CROCC2: variants seen among roughly 807,000 people sequenced by gnomAD.
CROCC2 encodes ciliary rootlet coiled-coil protein 2.
CROCC2 carries 163 observed loss-of-function variants against 177.6 expected under a neutral mutation model. That is an observed-to-expected ratio of 0.92 (90% CI 0.81 to 1.05). The LOEUF (loss-of-function observed/expected upper bound fraction) is 1.05, where lower values mean the gene tolerates loss of function less well. CROCC2 is among the 50% of genes least tolerant of loss of function. The probability of loss-of-function intolerance (pLI) is 0.00; values close to 1 mark genes in which losing one functional copy is unlikely to be tolerated. For missense variants in CROCC2, 1,929 were observed against 1,797.8 expected (o/e 1.07, Z -1.32); for synonymous variants, 904 against 787.3 (o/e 1.15, Z -2.48).
intron 1 of CROCC2, among the ~76,000 whole-genome samples, chr2:240,907,130 G>A (rs893319988): frequency 1.3e-5 from 2 of 152,212 alleles, no homozygotes; most frequent in Non-Finnish European, 2.9e-5. Context: ...ATGGCCAAGT[G>A]TGGGGCCAGC....
At chr2:240,938,535 G>A (rs751752175) in intron 14 of CROCC2, among the ~76,000 whole-genome samples, 9 of 152,194 alleles carry the variant, frequency 5.9e-5, no homozygotes, top group Non-Finnish European at 1.2e-4. Context: ...CGTTTTGGCT[G>A]TTCTAAATCC....
intron 1 of CROCC2, among the ~76,000 whole-genome samples, chr2:240,916,581 C>T (rs1451843155): frequency 6.6e-6 from 1 of 151,344 alleles, no homozygotes. Flanking sequence ...CCAGCTGGGC[C>T]GCGGCCTATT....
Position 240,922,529 on chromosome 2 carries a change from TCCTCC to T in CROCC2, c.382-7_382-3del. 1.4e-6 allele frequency: 1 copy of T among 693,740 alleles called. No individual in the cohort carries two copies. The highest frequency in any genetic ancestry group is 2.8e-5 in the East Asian group (1 of 35,856). The allele number at this position is 693,740 out of a possible 1,614,324, so 43.0% of individuals were successfully genotyped here. ...GCAGCCAGACCAGGTGGGCTATTGC[TCCTCC>T]CCAGCTGCAGGCCCGGCTGGAGACC... On this transcript the variant is annotated splice_polypyrimidine_tract_variant and splice_region_variant and intron_variant, in intron 3 of 31. Transcript: ENST00000690015.
At position 240,985,610 on chromosome 2, in the gene CROCC2, CCAGA is replaced by C. The variant is rs1209622891; in HGVS notation, c.4551+2584_4551+2587del. Reference sequence around the variant, plus strand: ...ACCCAGGCACTCACTCCACACACACCCAGACACTCACTCCACACACACCCAGGCA... The same window carrying C: ...ACCCAGGCACTCACTCCACACACACCCACTCACTCCACACACACCCAGGCA... On this transcript the variant is annotated intron_variant, in intron 28 of 31. Transcript: ENST00000690015. 2.3e-4 allele frequency among the ~76,000 whole-genome samples: 19 copies of C among 82,136 alleles called. 1 individual carries two copies. The highest frequency in any genetic ancestry group is 6.1e-4 in the African/African-American group (12 of 19,624). 53.9% of individuals were successfully genotyped at this position (82,136 alleles called of 152,430 possible).
intron 4 of CROCC2, among the ~76,000 whole-genome samples, chr2:240,922,886 G>T (rs1172461436): frequency 1.3e-5 from 2 of 152,106 alleles, no homozygotes; most frequent in Non-Finnish European, 2.9e-5. Flanking sequence ...GGCCTGCAGC[G>T]CGCTCCCTCT....
chr2:240,936,907 G>A (rs545258688), intron 14 of CROCC2, among the ~76,000 whole-genome samples: 49 of 152,342 alleles, frequency 3.2e-4, no homozygotes, highest in Admixed American at 1.3e-3. Context: ...GGGGCCTGCT[G>A]GGAGGCGACT....
chr2:240,948,863 C>A, intron 15 of CROCC2, 116 bp from the exon 16 acceptor site: 1 of 944,530 alleles, frequency 1.1e-6, no homozygotes, highest in Non-Finnish European at 1.6e-6. Context: ...CTAAAACATT[C>A]TTCCATTTAT....
chr2:240,942,868 T>A (rs568811872), intron 14 of CROCC2, among the ~76,000 whole-genome samples: 43 of 152,294 alleles, frequency 2.8e-4, no homozygotes, highest in Middle Eastern at 3.4e-3. Context: ...GTCTTTTTTT[T>A]ATTATCTTTA....
intron 4 of CROCC2, among the ~76,000 whole-genome samples, chr2:240,925,233 G>A (rs978946052): frequency 5.3e-5 from 8 of 152,200 alleles, no homozygotes; most frequent in Non-Finnish European, 8.8e-5. Context: ...GCCGGCTCCC[G>A]AGGTCCACCC....
chr2:240,914,334 C>T (rs991222951), intron 1 of CROCC2, among the ~76,000 whole-genome samples: 7 of 152,232 alleles, frequency 4.6e-5, no homozygotes, highest in African/African-American at 1.7e-4. Flanking sequence ...GCCTCCAATG[C>T]AGGCCAGGAC....
At chr2:240,961,021 GCA>G in intron 20 of CROCC2, among the ~76,000 whole-genome samples, 1 of 152,030 alleles carries the variant, frequency 6.6e-6, no homozygotes, top group East Asian at 1.9e-4. Flanking sequence ...TCTCAGAGGA[GCA>G]GAACAGAGCA....
At chr2:240,956,053 C>T in intron 19 of CROCC2, 81 bp downstream of exon 19, 1 of 1,017,618 alleles carries the variant, frequency 9.8e-7, no homozygotes. Flanking sequence ...CTGCCTGGTC[C>T]CAGTGGCATG....
chr2:240,909,873 C>G (rs1249178384), intron 1 of CROCC2, among the ~76,000 whole-genome samples: 1 of 152,180 alleles, frequency 6.6e-6, no homozygotes, highest in Non-Finnish European at 1.5e-5. Context: ...CGTAGGGACA[C>G]TCCACCCTCC....
intron 14 of CROCC2, among the ~76,000 whole-genome samples, chr2:240,945,484 G>T (rs2059517818): frequency 1.3e-5 from 2 of 152,168 alleles, no homozygotes; most frequent in African/African-American, 4.8e-5. Flanking sequence ...ACTGCCAGAA[G>T]TTCTTCTTGG....
rs181777516 is a variant in CROCC2 at position 240,937,437 on chromosome 2, T to C, written c.2169+1849T>C. ...ATACAAGTACCTTGTCAGATACATGTCCTATGACTATTTTCCCCAAGGTTG... is the reference window on the plus strand; with the variant it reads ...ATACAAGTACCTTGTCAGATACATGCCCTATGACTATTTTCCCCAAGGTTG... On this transcript the variant is annotated intron_variant, in intron 14 of 31. Transcript: ENST00000690015. Among the ~76,000 whole-genome samples the C allele has an allele frequency of 1.4e-3, 211 of 152,360 alleles. 2 individuals carry two copies. The highest frequency in any genetic ancestry group is 1.5e-3 in the Non-Finnish European group (100 of 68,042).
Position 240,933,819 on chromosome 2 carries a change from G to T in CROCC2, c.1613G>T (p.Arg538Leu), listed in dbSNP as rs115927138. Residue 538 changes from arginine (R) to leucine (L), a missense_variant, in exon 11 of 32, where the codon CGG (arginine) becomes CTG (leucine). Around this residue, in one of 3 missense-constraint regions of CROCC2, gnomAD observed 1,397 missense variants for 1,239.9 expected, o/e 1.13. Coordinates refer to ENST00000690015, the MANE Select transcript of CROCC2 (RefSeq NM_001351305.2). ...GAGCGGAGGGAGGAGCTGGCTCTGC[G>T]GAGGGAGCGGAGCTGCAGGGCACTG... ...QAERREELALRRERSCRALET... is the reference protein window; with the variant it reads ...QAERREELALLRERSCRALET... The T allele has an allele frequency of 6.5e-7, 1 of 1,548,122 alleles. No individual in the cohort carries two copies. Among genetic ancestry groups the T allele is most frequent in the Non-Finnish European group, 8.7e-7 (1 of 1,146,692 alleles).
At chr2:240,939,875 T>C (rs534610331) in intron 14 of CROCC2, among the ~76,000 whole-genome samples, 1 of 152,192 alleles carries the variant, frequency 6.6e-6, no homozygotes. Flanking sequence ...GTTATCAATT[T>C]CTAACATAAT....
rs2059349874 is a variant in CROCC2 at position 240,920,200 on chromosome 2, T to C, written c.381+66T>C. On this transcript the variant is annotated intron_variant, in intron 3 of 31. Coordinates refer to ENST00000690015, the MANE Select transcript of CROCC2 (RefSeq NM_001351305.2). ...AGCCTGGCCCTTCGTGAGGGGTCAC[T>C]TGTCGGGACGGCAGTCAGAGCCTGG... is the stretch of plus-strand genomic sequence containing the variant. 2.0e-5 allele frequency: 12 copies of C among 600,368 alleles called. 1 individual carries two copies. The highest frequency in any genetic ancestry group is 3.9e-5 in the South Asian group (2 of 51,330). The allele number at this position is 600,368 out of a possible 1,614,324, so 37.2% of individuals were successfully genotyped here.
rs745917759 is a variant in CROCC2, at chr2:240,992,734, CCTGCCCCCACTG to C, written c.4947-328_4947-317del. On this transcript the variant is annotated intron_variant, in intron 31 of 31. Transcript: ENST00000690015. ...TCAGGGGTGGAGGACAGCAGGCAGG[CCTGCCCCCACTG>C]CTGGAGAGTGCTCTGCCAGATGGTG... Among the ~76,000 whole-genome samples, 113 of 152,226 alleles carry C rather than the reference CCTGCCCCCACTG, an allele frequency of 7.4e-4. 1 individual carries two copies. Among genetic ancestry groups the C allele is most frequent in the Non-Finnish European group, 1.3e-3 (88 of 68,038 alleles).
Sources: gnomAD v4.1 joint callset for allele counts (sites outside exome capture counted in the v4.1 genomes callset) on GRCh38, gnomAD v4.1.1 for gene constraint, gnomAD v4.1.1 regional missense constraint, MANE v1.5 for transcripts, NCBI Gene and HGNC (gene_info 2026-07-23, HGNC 2026-07-21) for gene names.